CDH13: variants seen among roughly 807,000 people sequenced by gnomAD.
CDH13 encodes the protein cadherin 13, also known as cadherin-13.
Under a neutral mutation model 63.8 loss-of-function variants are expected in CDH13, and 24 were observed. The observed-to-expected ratio is 0.38, with a 90% CI of 0.27 to 0.53. The LOEUF is 0.53. Ranked by LOEUF, CDH13 falls within the 20% of genes least tolerant of loss-of-function variation. The probability of loss-of-function intolerance (pLI) is 0.85; values close to 1 mark genes in which losing one functional copy is unlikely to be tolerated. For synonymous variants in CDH13, 503 were observed against 355.3 expected, an observed-to-expected ratio of 1.42 and a Z score of -4.67; for missense variants, 1,049 against 903.1, an observed-to-expected ratio of 1.16 and a Z score of -2.07.
chr16:82,958,480 A>T (rs1361029065), intron 2 of CDH13, among the ~76,000 whole-genome samples: 2 of 152,212 alleles, frequency 1.3e-5, no homozygotes, highest in Admixed American at 6.5e-5. Flanking sequence ...TAGCAAAATT[A>T]TCCTGAAAAA....
At chr16:83,131,670 A>C (rs2036058427) in intron 4 of CDH13, among the ~76,000 whole-genome samples, 1 of 152,184 alleles carries the variant, frequency 6.6e-6, no homozygotes, top group Non-Finnish European at 1.5e-5. Context: ...TTTTATATTA[A>C]GTTTGAAAGA....
intron 7 of CDH13, among the ~76,000 whole-genome samples, chr16:83,553,676 C>G (rs2150675013): frequency 6.6e-6 from 1 of 152,306 alleles, no homozygotes; most frequent in East Asian, 1.9e-4. Context: ...CCTGCATCAG[C>G]CTCCCAAGTA....
chr16:82,800,564 C>T (rs1250208184), intron 1 of CDH13, among the ~76,000 whole-genome samples: 2 of 152,162 alleles, frequency 1.3e-5, no homozygotes, highest in Non-Finnish European at 2.9e-5. Context: ...TAACAAAGGG[C>T]TCATAACCCA....
intron 4 of CDH13, among the ~76,000 whole-genome samples, chr16:83,172,514 A>C (rs1197609214): frequency 6.6e-6 from 1 of 151,970 alleles, no homozygotes; most frequent in Non-Finnish European, 1.5e-5. Flanking sequence ...AGCTAAAAAC[A>C]CAAAATAACA....
chr16:82,681,241 C>T (rs959724340), intron 1 of CDH13, among the ~76,000 whole-genome samples: 1 of 152,182 alleles, frequency 6.6e-6, no homozygotes, highest in East Asian at 1.9e-4. Flanking sequence ...AACCTGATGC[C>T]GGTGGCAACG....
chr16:83,561,984 C>T (rs950088859), intron 7 of CDH13, among the ~76,000 whole-genome samples: 2 of 152,126 alleles, frequency 1.3e-5, no homozygotes, highest in East Asian at 1.9e-4. Flanking sequence ...AGCGATAGTG[C>T]CGCAGAGTCA....
intron 5 of CDH13, among the ~76,000 whole-genome samples, chr16:83,223,379 A>G (rs2039754028): frequency 6.6e-6 from 1 of 152,236 alleles, no homozygotes; most frequent in South Asian, 2.1e-4. Flanking sequence ...AAACCTACCC[A>G]TGAGGGTGGA....
At chr16:83,571,742 C>T (rs1413924575) in intron 7 of CDH13, among the ~76,000 whole-genome samples, 1 of 152,216 alleles carries the variant, frequency 6.6e-6, no homozygotes, top group Non-Finnish European at 1.5e-5. Context: ...ATTACTCCCT[C>T]TCTTGTATTC....
intron 6 of CDH13, among the ~76,000 whole-genome samples, chr16:83,352,214 C>T (rs537468982): frequency 1.3e-4 from 20 of 148,654 alleles, no homozygotes; most frequent in South Asian, 6.5e-4. Context: ...CCATAAAACA[C>T]GTTTTATGAA....
intron 5 of CDH13, among the ~76,000 whole-genome samples, chr16:83,252,929 C>A (rs1905758677): frequency 6.6e-6 from 1 of 152,094 alleles, no homozygotes; most frequent in African/African-American, 2.4e-5. Flanking sequence ...GGATGGTTGA[C>A]CTTAATTAAC....
chr16:82,797,774 CGTGTGTGT>C (rs3046484), intron 1 of CDH13, among the ~76,000 whole-genome samples: 3 of 145,552 alleles, frequency 2.1e-5, no homozygotes, highest in East Asian at 2.0e-4. Flanking sequence ...ACTTTAGGGC[CGTGTGTGT>C]GTGTGTGTGT....
chr16:82,834,950 GGCTCTTTAAGAAAATGTTT>G (rs1227409048), intron 1 of CDH13, among the ~76,000 whole-genome samples: 2 of 152,040 alleles, frequency 1.3e-5, no homozygotes, highest in Admixed American at 6.6e-5. Flanking sequence ...ATTTACTACT[GGCTCTTTAAGAAAATGTTT>G]GCTCAGGCCT....
chr16:82,878,052 A>G (rs2040567559), intron 2 of CDH13, among the ~76,000 whole-genome samples: 1 of 152,088 alleles, frequency 6.6e-6, no homozygotes, highest in Non-Finnish European at 1.5e-5. Flanking sequence ...TTGAAAATAC[A>G]TATGTGCAGC....
At chr16:82,864,630 C>T (rs1261216449) in intron 2 of CDH13, among the ~76,000 whole-genome samples, 1 of 152,098 alleles carries the variant, frequency 6.6e-6, no homozygotes, top group Middle Eastern at 3.2e-3. Context: ...CTGGTCACCC[C>T]CTTGAAACGT....
At position 83,522,106 on chromosome 16, in the gene CDH13, C is replaced by G. The variant is rs1447332000; in HGVS notation, c.960+35451C>G. Among the ~76,000 whole-genome samples, 3 of 152,186 alleles carry G rather than the reference C, an allele frequency of 2.0e-5. No individual in the cohort carries two copies. The East Asian group carries it at 5.8e-4, about 29-fold the overall frequency. ...CAGTTCTCCCCTGCTGCGCAGAGTG[C>G]AGGTCCAGCTCTCTGCCCACCGGGT... On this transcript the variant is annotated intron_variant, in intron 7 of 13. Transcript: ENST00000567109.
intron 13 of CDH13, among the ~76,000 whole-genome samples, chr16:83,788,794 C>T (rs1259983978): frequency 1.3e-5 from 2 of 152,198 alleles, no homozygotes; most frequent in Non-Finnish European, 1.5e-5. Flanking sequence ...GATTGTATCT[C>T]ACTGTAAGTA....
intron 1 of CDH13, among the ~76,000 whole-genome samples, chr16:82,828,657 T>C (rs985980069): frequency 2.2e-5 from 3 of 136,664 alleles, no homozygotes. Flanking sequence ...TGTGTGTGTG[T>C]GTGTGTGTAT....
chr16:82,867,185 G>A (rs980863763), intron 2 of CDH13, among the ~76,000 whole-genome samples: 3 of 152,220 alleles, frequency 2.0e-5, no homozygotes, highest in African/African-American at 7.2e-5. Flanking sequence ...CAATGAACCT[G>A]AGATCATACT....
chr16:83,673,520 T>A (rs1914695659), intron 9 of CDH13, among the ~76,000 whole-genome samples: 1 of 152,122 alleles, frequency 6.6e-6, no homozygotes, highest in Non-Finnish European at 1.5e-5. Flanking sequence ...GATGGACTAG[T>A]GACTACCAGC....
Sources: allele counts gnomAD v4.1 joint callset (sites outside exome capture counted in the v4.1 genomes callset), GRCh38; gene constraint gnomAD v4.1.1; transcripts MANE v1.5; gene names NCBI Gene and HGNC (gene_info 2026-07-23, HGNC 2026-07-21).